The following TDRD6 variants were observed in gnomAD, a reference collection of about 807,000 sequenced individuals.
TDRD6 encodes tudor domain containing 6, also known as tudor domain-containing protein 6.
In TDRD6, 186 loss-of-function variants were observed where a neutral mutation model predicts 157.5. The observed-to-expected ratio is 1.18, with a 90% confidence interval of 1.05 to 1.33. The LOEUF (loss-of-function observed/expected upper bound fraction) is 1.33. Ranked by LOEUF, TDRD6 falls within the 40% of genes most tolerant of loss-of-function variation. TDRD6 has a pLI of 0.00. For missense variants in TDRD6, 3,066 were observed against 2,508.0 expected (o/e 1.22, Z -4.75); for synonymous variants, 1,075 against 945.2 (o/e 1.14, Z -2.52).
In TDRD6 at chr6:46,693,396, A is replaced by T; in HGVS notation, c.5268A>T (p.Lys1756Asn). Residue 1756 changes from lysine to asparagine, a missense_variant, in exon 1 of 4, where the codon AAA (lysine) becomes AAT (asparagine). By Grantham distance (94) the Lys-to-Asn change is moderately conservative (BLOSUM62 0). Transcript: ENST00000316081. The part of the protein sequence containing the change: ...QTDELAEITE[K>N]DVNIIGTKPS... ...ATGAGCTTGCTGAAATAACTGAAAAAGATGTAAACATTATTGGAACCAAAC... is the reference window on the plus strand; with the variant it reads ...ATGAGCTTGCTGAAATAACTGAAAATGATGTAAACATTATTGGAACCAAAC... 2 of 1,613,120 alleles carry T rather than the reference A, an allele frequency of 1.2e-6. No homozygotes were observed. Among genetic ancestry groups the T allele is most frequent in the Admixed American group, 1.7e-5 (1 of 59,706 alleles).
chr6:46,684,262 C>T (rs983017897), upstream of TDRD6, among the ~76,000 whole-genome samples: 8 of 151,950 alleles, frequency 5.3e-5, no homozygotes, highest in African/African-American at 7.3e-5. Flanking sequence ...CAAAGAAAAA[C>T]GTATAGGGAT....
In TDRD6 at chr6:46,690,462, G is replaced by A; in HGVS notation, c.2334G>A (p.Val778=). ...LEVGSTVEVR[V]SYVENPGYFW... ...TTGGAAGTACAGTAGAAGTCAGAGT[G>A]TCTTATGTTGAAAACCCTGGCTATT... Residue 778 remains valine, a synonymous_variant, in exon 1 of 4, where the codon GTG becomes GTA. Coordinates refer to ENST00000316081, the MANE Select transcript of TDRD6 (RefSeq NM_001010870.3). 1 of 1,614,120 alleles carries A rather than the reference G, an allele frequency of 6.2e-7. No individual in the cohort carries two copies. The highest frequency in any genetic ancestry group is 1.7e-5 in the Admixed American group (1 of 60,026).
Position 46,688,364 on chromosome 6 carries a change from T to G in TDRD6, c.236T>G (p.Leu79Arg). Residue 79 changes from leucine to arginine, a missense_variant, in exon 1 of 4, where the codon CTT becomes CGT. Transcript: ENST00000316081. ...GAGCTGTGCCTGGTGCAGGTCGGGC[T>G]TTTGTGGCACCGCTGCCGCGTGGTC... ...PGELCLVQVGLLWHRCRVVSR... is the reference protein window; with the variant it reads ...PGELCLVQVGRLWHRCRVVSR... 6.5e-7 allele frequency: 1 copy of G among 1,533,696 alleles called. No individual in the cohort carries two copies. The highest frequency in any genetic ancestry group is 8.7e-7 in the Non-Finnish European group (1 of 1,144,484).
At chr6:46,680,631 T>C in the TDRD6 span, among the ~76,000 whole-genome samples, 1 of 152,182 alleles carries the variant, frequency 6.6e-6, no homozygotes, top group African/African-American at 2.4e-5. Context: ...ATTTCTCCTA[T>C]ATACACACAT....
Position 46,693,566 on chromosome 6 carries a change from T to G in TDRD6, c.5438T>G (p.Ile1813Ser), listed in dbSNP as rs766304036. Residue 1813 changes from isoleucine to serine, a missense_variant, in exon 1 of 4, where the codon ATT (isoleucine) becomes AGT (serine). Physicochemically the swap from Ile to Ser is moderately radical, Grantham distance 142 (BLOSUM62 -2). Transcript: ENST00000316081. ...DKAEFDDKYL[I>S]TGFNTLLPHA... ...GCAGAGTTTGATGATAAATACCTGA[T>G]TACAGGATTTAACACATTACTACCA... 6.2e-7 allele frequency: 1 copy of G among 1,614,146 alleles called. No individual in the cohort carries two copies. Among genetic ancestry groups the G allele is most frequent in the East Asian group, 2.2e-5 (1 of 44,886 alleles).
Position 46,693,995 on chromosome 6 carries a change from C to T in TDRD6, c.5867C>T (p.Ser1956Leu). The change falls in exon 1 of 4, where the codon TCA (serine) becomes TTA (leucine). Residue 1956 changes from serine (S) to leucine (L), a missense_variant. Transcript: ENST00000316081. ...VESFDDQRRMSLHLHGADCDP... is the reference protein window; with the variant it reads ...VESFDDQRRMLLHLHGADCDP... ...TCTTTTGATGACCAGCGCAGGATGTCATTGCATCTACATGGAGCAGATTGT... is the reference window on the plus strand; with the variant it reads ...TCTTTTGATGACCAGCGCAGGATGTTATTGCATCTACATGGAGCAGATTGT... 3.1e-6 allele frequency: 5 copies of T among 1,613,754 alleles called. No individual in the cohort carries two copies. Among genetic ancestry groups the T allele is most frequent in the Non-Finnish European group, 4.2e-6 (5 of 1,179,912 alleles).
At position 46,690,016 on chromosome 6, in the gene TDRD6, G is replaced by T; in HGVS notation, c.1888G>T (p.Val630Phe). 2 of 1,613,800 alleles carry T rather than the reference G, an allele frequency of 1.2e-6. No homozygotes were observed. The highest frequency in any genetic ancestry group is 2.2e-5 in the South Asian group (2 of 91,038). The change falls in exon 1 of 4, where the codon GTC (valine) becomes TTC (phenylalanine). Residue 630 changes from valine to phenylalanine, a missense_variant. Transcript: ENST00000316081. ...FKKTVLHKELVIHILDKQDHQ... is the reference protein window; with the variant it reads ...FKKTVLHKELFIHILDKQDHQ... Reference sequence around the variant, plus strand: ...AAAGACTGTGCTCCACAAAGAATTAGTCATCCATATTCTTGATAAACAGGA... The same window carrying T: ...AAAGACTGTGCTCCACAAAGAATTATTCATCCATATTCTTGATAAACAGGA...
rs780131459 is a variant in TDRD6 at position 46,693,127 on chromosome 6, A to G, written c.4999A>G (p.Ile1667Val). 18 of 1,612,580 alleles carry G rather than the reference A, an allele frequency of 1.1e-5. No individual in the cohort carries two copies. Among genetic ancestry groups the G allele is most frequent in the Non-Finnish European group, 1.4e-5 (17 of 1,179,518 alleles). ...AACAGAAGATGTGTTGGAAATAACA[A>G]TACTAGAAATCAGAAGGGATGTTTG... Reference protein sequence around the residue: ...IITEDVLEITILEIRRDVCDI... With the variant: ...IITEDVLEITVLEIRRDVCDI... Residue 1667 changes from isoleucine to valine, a missense_variant, in exon 1 of 4, where the codon ATA (isoleucine) becomes GTA (valine). By Grantham distance (29) the Ile-to-Val change is conservative. Coordinates refer to ENST00000316081, the MANE Select transcript of TDRD6 (RefSeq NM_001010870.3).
chr6:46,693,033 C>T lies in TDRD6; in HGVS notation c.4905C>T (p.Cys1635=). ...LSVPMQAFPC[C]LSGFNISEGL... is the part of the protein sequence containing the mutation. ...TTCCCATGCAAGCCTTTCCATGTTGCCTCTCAGGGTTTAACATTTCAGAAG... is the reference window on the plus strand; with the variant it reads ...TTCCCATGCAAGCCTTTCCATGTTGTCTCTCAGGGTTTAACATTTCAGAAG... The change falls in exon 1 of 4, where the codon TGC becomes TGT. Residue 1635 remains cysteine (C), a synonymous_variant. Coordinates refer to ENST00000316081, the MANE Select transcript of TDRD6 (RefSeq NM_001010870.3). The T allele has an allele frequency of 1.2e-6, 2 of 1,613,352 alleles. No homozygotes were observed. Among genetic ancestry groups the T allele is most frequent in the South Asian group, 2.2e-5 (2 of 90,944 alleles).
At position 46,691,240 on chromosome 6, in the gene TDRD6, A is replaced by G. The variant is rs763579667; in HGVS notation, c.3112A>G (p.Thr1038Ala). The G allele has an allele frequency of 2.5e-6, 4 of 1,614,064 alleles. No homozygotes were observed. In the South Asian group the frequency reaches 4.4e-5, roughly 18 times the overall value. Residue 1038 changes from threonine to alanine, a missense_variant, in exon 1 of 4, where the codon ACC becomes GCC. Transcript: ENST00000316081. ...NLKTSPLNPG[T>A]LCLAKYTDGN... Reference sequence around the variant, plus strand: ...AAAAACATCTCCCTTGAACCCTGGAACCTTGTGCCTTGCCAAGTATACTGA... The same window carrying G: ...AAAAACATCTCCCTTGAACCCTGGAGCCTTGTGCCTTGCCAAGTATACTGA...
chr6:46,688,342 C>T lies in TDRD6; in HGVS notation c.214C>T (p.Leu72=), dbSNP rs531734661. The change falls in exon 1 of 4, where the codon CTG becomes TTG. Residue 72 remains leucine (L), a synonymous_variant. Transcript: ENST00000316081. ...LGSASASPGE[L]CLVQVGLLWH... ...CAGCGCCTCGGCCTCGCCCGGCGAG[C>T]TGTGCCTGGTGCAGGTCGGGCTTTT... is the stretch of plus-strand genomic sequence containing the variant. The T allele has an allele frequency of 3.2e-5, 49 of 1,529,316 alleles. No homozygotes were observed. The South Asian group carries it at 5.6e-4, about 18-fold the overall frequency. 94.7% of individuals were successfully genotyped at this position (1,529,316 alleles called of 1,614,324 possible). A position where few individuals can be genotyped will look rare whatever the true frequency, so the allele number is the denominator to read the frequency against.
In TDRD6 at chr6:46,688,508, T is replaced by C. The variant is rs1241165061; in HGVS notation, c.380T>C (p.Leu127Pro). 4.5e-6 allele frequency: 7 copies of C among 1,563,024 alleles called. No homozygotes were observed. Among genetic ancestry groups the C allele is most frequent in the Non-Finnish European group, 4.3e-6 (5 of 1,157,328 alleles). ...REFFNLPSEV[L>P]GCVLAGLVPA... ...TTCTTCAATTTGCCCTCGGAAGTGC[T>C]GGGCTGCGTGCTAGCGGGCCTGGTG... Residue 127 changes from leucine (L) to proline (P), a missense_variant, in exon 1 of 4, where the codon CTG becomes CCG. Transcript: ENST00000316081.
Position 46,688,590 on chromosome 6 carries a change from C to A in TDRD6, c.462C>A (p.Ala154=), listed in dbSNP as rs140828660. 3.8e-6 allele frequency: 6 copies of A among 1,598,750 alleles called. No homozygotes were observed. The highest frequency in any genetic ancestry group is 5.1e-6 in the Non-Finnish European group (6 of 1,179,554). The part of the protein sequence containing the change: ...GEPPQHWPAD[A]VDFLSNLQGK... ...CGCCGCAGCACTGGCCCGCCGACGC[C>A]GTGGACTTCCTTAGCAACCTTCAGG... Residue 154 remains alanine (A), a synonymous_variant, in exon 1 of 4, where the codon GCC becomes GCA. Coordinates refer to ENST00000316081, the MANE Select transcript of TDRD6 (RefSeq NM_001010870.3).
chr6:46,684,545 A>T (rs192368122), upstream of TDRD6, among the ~76,000 whole-genome samples: 1 of 152,102 alleles, frequency 6.6e-6, no homozygotes, highest in African/African-American at 2.4e-5. Flanking sequence ...GGAAGCCACT[A>T]ATCTTTTCTC....
chr6:46,680,880 A>T, the TDRD6 span, among the ~76,000 whole-genome samples: 3 of 152,240 alleles, frequency 2.0e-5, no homozygotes, highest in East Asian at 5.8e-4. Flanking sequence ...GTATTGGTTA[A>T]ATTCTACCTC....
Position 46,693,169 on chromosome 6 carries a change from A to G in TDRD6, c.5041A>G (p.Ile1681Val), listed in dbSNP as rs763945403. 8.7e-6 allele frequency: 14 copies of G among 1,609,146 alleles called. No individual in the cohort carries two copies. Among genetic ancestry groups the G allele is most frequent in the Admixed American group, 6.8e-5 (4 of 58,956 alleles). The change falls in exon 1 of 4, where the codon ATT becomes GTT. Residue 1681 changes from isoleucine (I) to valine (V), a missense_variant. Coordinates refer to ENST00000316081, the MANE Select transcript of TDRD6 (RefSeq NM_001010870.3). ...RRDVCDIPLA[I>V]VDLKSKGKSI... ...GGATGTTTGTGATATCCCTTTAGCAATTGTTGACTTGAAAAGCAAAGGTAA... is the reference window on the plus strand; with the variant it reads ...GGATGTTTGTGATATCCCTTTAGCAGTTGTTGACTTGAAAAGCAAAGGTAA...
At chr6:46,696,195 T>C (rs981998143) in intron 2 of TDRD6, among the ~76,000 whole-genome samples, 2 of 152,116 alleles carry the variant, frequency 1.3e-5, no homozygotes, top group African/African-American at 4.8e-5. Context: ...TTCCACACTT[T>C]ACACATCTTA....
Position 46,692,731 on chromosome 6 carries a change from T to C in TDRD6, c.4603T>C (p.Trp1535Arg). 1.2e-6 allele frequency: 2 copies of C among 1,614,184 alleles called. No individual in the cohort carries two copies. Among genetic ancestry groups the C allele is most frequent in the South Asian group, 1.1e-5 (1 of 91,074 alleles). ...TGTGATAGATGGACCTGAGTACTTTTGGTGTCAGTTTGCTGATACGGAGAA... is the reference window on the plus strand; with the variant it reads ...TGTGATAGATGGACCTGAGTACTTTCGGTGTCAGTTTGCTGATACGGAGAA... The part of the protein sequence containing the change: ...ATVIDGPEYF[W>R]CQFADTEKLQ... The change falls in exon 1 of 4, where the codon TGG becomes CGG. Residue 1535 changes from tryptophan to arginine, a missense_variant. Coordinates refer to ENST00000316081, the MANE Select transcript of TDRD6 (RefSeq NM_001010870.3).
At position 46,688,357 on chromosome 6, in the gene TDRD6, G is replaced by A. The variant is rs1369280206; in HGVS notation, c.229G>A (p.Val77Ile). The A allele has an allele frequency of 6.5e-7, 1 of 1,533,040 alleles. No individual in the cohort carries two copies. Among genetic ancestry groups the A allele is most frequent in the African/African-American group, 1.4e-5 (1 of 72,568 alleles). The allele number at this position is 1,533,040 out of a possible 1,614,324, so 95.0% of individuals were successfully genotyped here. Reference sequence around the variant, plus strand: ...GCCCGGCGAGCTGTGCCTGGTGCAGGTCGGGCTTTTGTGGCACCGCTGCCG... The same window carrying A: ...GCCCGGCGAGCTGTGCCTGGTGCAGATCGGGCTTTTGTGGCACCGCTGCCG... ...ASPGELCLVQ[V>I]GLLWHRCRVV... The change falls in exon 1 of 4, where the codon GTC becomes ATC. Residue 77 changes from valine (V) to isoleucine (I), a missense_variant. Transcript: ENST00000316081.
Sources: allele counts gnomAD v4.1 joint callset (sites outside exome capture counted in the v4.1 genomes callset), GRCh38; gene constraint gnomAD v4.1.1; transcripts MANE v1.5; gene names NCBI Gene and HGNC (gene_info 2026-07-23, HGNC 2026-07-21).